The following RGS7 variants were observed in gnomAD, a reference collection of about 807,000 sequenced individuals.
RGS7 encodes the protein regulator of G-protein signaling 7.
A neutral mutation model predicts 81.1 loss-of-function variants in RGS7; 27 were observed. The ratio of observed to expected loss-of-function variants is 0.33; its 90% confidence interval spans 0.25 to 0.46. RGS7 has a LOEUF of 0.46. Among genes scored for constraint, RGS7 ranks in the 20% least tolerant of loss-of-function variants. RGS7 has a pLI of 1.00. For missense variants in RGS7, 396 were observed against 607.4 expected (o/e 0.65, Z 3.66); for synonymous variants, 208 against 207.7 (o/e 1.00, Z -0.01).
chr1:241,075,498 CA>C (rs1303146937), intron 3 of RGS7, among the ~76,000 whole-genome samples: 2 of 152,026 alleles, frequency 1.3e-5, no homozygotes, highest in Admixed American at 6.6e-5. Flanking sequence ...GGCCCTAGAT[CA>C]GGGGTGTCCA....
chr1:241,192,159 G>GGTATGTGTGT (rs1432006795), intron 2 of RGS7, among the ~76,000 whole-genome samples: 30 of 122,006 alleles, frequency 2.5e-4, no homozygotes, highest in East Asian at 1.3e-3. Flanking sequence ...AGAGAAAACA[G>GGTATGTGTGT]GTGTGTGTGT....
chr1:241,106,731 A>G (rs892425934), intron 2 of RGS7, among the ~76,000 whole-genome samples: 5 of 105,728 alleles, frequency 4.7e-5, no homozygotes, highest in Non-Finnish European at 9.8e-5. Flanking sequence ...AAAAAAAAAA[A>G]AAAAAAAACC....
chr1:241,088,081 C>G (rs1268164309), intron 3 of RGS7, among the ~76,000 whole-genome samples: 1 of 143,794 alleles, frequency 7.0e-6, no homozygotes, highest in East Asian at 2.0e-4. Flanking sequence ...TATATATATA[C>G]ATATATATAT....
At chr1:241,142,507 G>A (rs1278073099) in intron 2 of RGS7, among the ~76,000 whole-genome samples, 1 of 152,202 alleles carries the variant, frequency 6.6e-6, no homozygotes, top group East Asian at 1.9e-4. Flanking sequence ...CCATGTGGAA[G>A]CTGCCAAAGG....
chr1:240,885,671 T>C (rs945738175), intron 6 of RGS7, among the ~76,000 whole-genome samples: 3 of 152,104 alleles, frequency 2.0e-5, no homozygotes, highest in Non-Finnish European at 4.4e-5. Flanking sequence ...CCACATGTTC[T>C]CACTTATAAG....
chr1:241,102,601 T>TGTTCACCTTATCTTATGTAAA (rs1252549593), intron 2 of RGS7, among the ~76,000 whole-genome samples: 1 of 152,220 alleles, frequency 6.6e-6, no homozygotes, highest in African/African-American at 2.4e-5. Context: ...TTTTTTCAAA[T>TGTTCACCTTATCTTATGTAAA]GTTCACCTTA....
At chr1:240,857,339 T>C (rs769258273) in intron 9 of RGS7, among the ~76,000 whole-genome samples, 1 of 152,182 alleles carries the variant, frequency 6.6e-6, no homozygotes, top group Non-Finnish European at 1.5e-5. Flanking sequence ...TAACATCTTA[T>C]ATTGATGTGG....
intron 4 of RGS7, among the ~76,000 whole-genome samples, chr1:240,950,159 C>T (rs1487302687): frequency 6.6e-6 from 1 of 152,112 alleles, no homozygotes; most frequent in Non-Finnish European, 1.5e-5. Flanking sequence ...TGTGAACTAG[C>T]TTGACAATAA....
At chr1:240,851,521 A>G (rs1283852258) in intron 9 of RGS7, among the ~76,000 whole-genome samples, 1 of 152,230 alleles carries the variant, frequency 6.6e-6, no homozygotes, top group East Asian at 1.9e-4. Flanking sequence ...TAGTCAATGG[A>G]TGAAAGAGTA....
intron 3 of RGS7, among the ~76,000 whole-genome samples, chr1:241,078,485 A>ATGTG (rs60742879): frequency 7.0e-6 from 1 of 143,564 alleles, no homozygotes; most frequent in Non-Finnish European, 1.5e-5. Flanking sequence ...CACGTAAGTT[A>ATGTG]TGTGTGTGTG....
At chr1:240,981,965 G>A (rs995416676) in intron 4 of RGS7, among the ~76,000 whole-genome samples, 2 of 152,154 alleles carry the variant, frequency 1.3e-5, no homozygotes, top group African/African-American at 4.8e-5. Flanking sequence ...TGTTACATAG[G>A]TTGGCATATC....
intron 2 of RGS7, among the ~76,000 whole-genome samples, chr1:241,211,154 G>A (rs1377446976): frequency 6.6e-5 from 10 of 151,968 alleles, no homozygotes; most frequent in African/African-American, 1.9e-4. Context: ...GTGTGGTGGC[G>A]CTTGCCTGTA....
chr1:241,223,993 T>G (rs2075162750), intron 2 of RGS7, among the ~76,000 whole-genome samples: 1 of 134,098 alleles, frequency 7.5e-6, no homozygotes, highest in Admixed American at 7.6e-5. Context: ...TCACATATCT[T>G]GGGTCCCTCC....
At chr1:240,998,981 C>T (rs896503073) in intron 3 of RGS7, among the ~76,000 whole-genome samples, 4 of 152,082 alleles carry the variant, frequency 2.6e-5, no homozygotes, top group African/African-American at 4.8e-5. Context: ...TCCCAGAGGC[C>T]GTGCTCCTTT....
intron 2 of RGS7, among the ~76,000 whole-genome samples, chr1:241,311,602 T>G (rs2080534826): frequency 6.6e-6 from 1 of 152,206 alleles, no homozygotes; most frequent in Non-Finnish European, 1.5e-5. Context: ...GTGAGGTAGC[T>G]GGTAGATGTT....
intron 4 of RGS7, among the ~76,000 whole-genome samples, chr1:240,951,705 G>A (rs1679590882): frequency 6.6e-6 from 1 of 152,106 alleles, no homozygotes; most frequent in Non-Finnish European, 1.5e-5. Flanking sequence ...ATACCAGGAG[G>A]AGAGCAAAGA....
intron 3 of RGS7, among the ~76,000 whole-genome samples, chr1:241,011,799 A>G (rs930518044): frequency 1.3e-5 from 2 of 152,212 alleles, no homozygotes; most frequent in East Asian, 3.9e-4. Flanking sequence ...AGTAATTAAG[A>G]AAATTAATCC....
intron 2 of RGS7, among the ~76,000 whole-genome samples, chr1:241,228,496 G>A (rs920617626): frequency 3.9e-5 from 6 of 152,146 alleles, no homozygotes; most frequent in African/African-American, 1.4e-4. Context: ...TGAGCCCGCT[G>A]AACAGATAAG....
At chr1:241,195,647 T>G (rs1278826019) in intron 2 of RGS7, among the ~76,000 whole-genome samples, 1 of 151,808 alleles carries the variant, frequency 6.6e-6, no homozygotes, top group East Asian at 1.9e-4. Context: ...TACAATTCAG[T>G]GAAGAACAAA....
Sources: allele counts gnomAD v4.1 joint callset (sites outside exome capture counted in the v4.1 genomes callset), GRCh38; gene constraint gnomAD v4.1.1; transcripts MANE v1.5; gene names NCBI Gene and HGNC (gene_info 2026-07-23, HGNC 2026-07-21).